Variants in DNAJC10 observed in about 807,000 individuals in gnomAD.
DNAJC10 encodes endoplasmic reticulum disulfide reductase DNAJC10.
A neutral mutation model predicts 115.0 loss-of-function variants in DNAJC10; 101 were observed. The ratio of observed to expected loss-of-function variants is 0.88; its 90% CI spans 0.75 to 1.04. The LOEUF (loss-of-function observed/expected upper bound fraction) is 1.04, where lower values mean the gene tolerates loss of function less well. Among genes scored for constraint, DNAJC10 ranks in the 50% least tolerant of loss-of-function variants. The pLI is 0.00. For missense variants in DNAJC10, 981 were observed against 928.8 expected (o/e 1.06, Z -0.73); for synonymous variants, 307 against 301.5 (o/e 1.02, Z -0.19).
chr2:182,732,544 T>TA lies in DNAJC10; in HGVS notation c.849+4dup, dbSNP rs1220009627. 1.2e-6 allele frequency: 2 copies of TA among 1,612,994 alleles called. No homozygotes were observed. The highest frequency in any genetic ancestry group is 1.7e-6 in the Non-Finnish European group (2 of 1,179,268). The stretch of plus-strand genomic sequence containing the variant: ...CGACTCAGGCTTAGTGGCATGTTGG[T>TA]AAGCATCAATCATTTTGTAAAACTA... On this transcript the variant is annotated splice_region_variant and intron_variant, in intron 10 of 23. Coordinates refer to ENST00000264065, the MANE Select transcript of DNAJC10 (RefSeq NM_018981.4).
Position 182,779,225 on chromosome 2 carries a change from A to C in DNAJC10, c.*2093A>C, listed in dbSNP as rs1250755228. ...TACATCAAGGTTATCTTATATAGTCATAACAGTATTATTGGGTCTTTCAAA... is the reference window on the plus strand; with the variant it reads ...TACATCAAGGTTATCTTATATAGTCCTAACAGTATTATTGGGTCTTTCAAA... On this transcript the variant is annotated 3_prime_UTR_variant, in exon 24 of 24. Coordinates refer to ENST00000264065, the MANE Select transcript of DNAJC10 (RefSeq NM_018981.4). The C allele has an allele frequency of 6.6e-6, 1 of 152,256 alleles. No homozygotes were observed. The allele number at this position is 152,256 out of a possible 1,614,324, so 9.4% of individuals were successfully genotyped here.
At chr2:182,756,051 A>C (rs1694147765) in intron 17 of DNAJC10, among the ~76,000 whole-genome samples, 2 of 152,192 alleles carry the variant, frequency 1.3e-5, no homozygotes, top group Non-Finnish European at 2.9e-5. Context: ...GGTTTCTCAA[A>C]AATGGGAACT....
intron 22 of DNAJC10, among the ~76,000 whole-genome samples, chr2:182,764,634 C>T (rs1009470123): frequency 2.6e-5 from 4 of 152,044 alleles, no homozygotes; most frequent in African/African-American, 9.7e-5. Context: ...ATTGATTCTG[C>T]TCTATGTTAG....
In DNAJC10 at chr2:182,788,514, T is replaced by C. The variant is rs971850787; in HGVS notation, c.*11382T>C. On this transcript the variant is annotated 3_prime_UTR_variant, in exon 24 of 24. Coordinates refer to ENST00000264065, the MANE Select transcript of DNAJC10 (RefSeq NM_018981.4). ...GGAGAAAATGGGAGTAAAAACAAAA[T>C]GTATAAAAAGTATTAAAATTTGAAA... The C allele has an allele frequency of 5.0e-6, 1 of 200,252 alleles. No individual in the cohort carries two copies. The highest frequency in any genetic ancestry group is 1.0e-5 in the Non-Finnish European group (1 of 97,996). 12.4% of individuals were successfully genotyped at this position (200,252 alleles called of 1,614,324 possible).
intron 11 of DNAJC10, among the ~76,000 whole-genome samples, chr2:182,738,442 T>G (rs1693640782): frequency 6.6e-6 from 1 of 152,174 alleles, no homozygotes; most frequent in Non-Finnish European, 1.5e-5. Flanking sequence ...GGTCAAAGGC[T>G]GTCTGAGACA....
At position 182,779,696 on chromosome 2, in the gene DNAJC10, GTAAAA is replaced by G. The variant is rs1694799187; in HGVS notation, c.*2566_*2570del. 1 of 152,124 alleles carries G rather than the reference GTAAAA, an allele frequency of 6.6e-6. No individual in the cohort carries two copies. Among genetic ancestry groups the G allele is most frequent in the Non-Finnish European group, 1.5e-5 (1 of 68,018 alleles). 9.4% of individuals were successfully genotyped at this position (152,124 alleles called of 1,614,324 possible). ...GGTATATGATTAAGATAAAGGAAAAGTAAAATGAAATGTTTATGTAATTTTATATT... is the reference window on the plus strand; with the variant it reads ...GGTATATGATTAAGATAAAGGAAAAGTGAAATGTTTATGTAATTTTATATT... On this transcript the variant is annotated 3_prime_UTR_variant, in exon 24 of 24. Coordinates refer to ENST00000264065, the MANE Select transcript of DNAJC10 (RefSeq NM_018981.4).
chr2:182,743,562 A>C (rs369248147), intron 13 of DNAJC10, 36 bp from the exon 14 acceptor site: 25 of 1,412,994 alleles, frequency 1.8e-5, no homozygotes, highest in Non-Finnish European at 2.5e-5. Context: ...TGGGTAAGAC[A>C]GTGTTTTTAT....
chr2:182,767,093 A>G (rs1694432247), intron 22 of DNAJC10, among the ~76,000 whole-genome samples: 1 of 152,102 alleles, frequency 6.6e-6, no homozygotes, highest in Admixed American at 6.6e-5. Context: ...TATTCCCCAT[A>G]GAAGGGAATG....
chr2:182,760,620 G>T (rs1041678841), intron 21 of DNAJC10, among the ~76,000 whole-genome samples: 5 of 152,030 alleles, frequency 3.3e-5, no homozygotes, highest in Non-Finnish European at 5.9e-5. Flanking sequence ...GTTTCTTTCT[G>T]TCGTAACAGT....
chr2:182,765,807 G>T (rs770746182), intron 22 of DNAJC10, among the ~76,000 whole-genome samples: 1 of 152,196 alleles, frequency 6.6e-6, no homozygotes, highest in African/African-American at 2.4e-5. Flanking sequence ...CTAGTTTTGT[G>T]TTGTATGTGC....
At chr2:182,729,175 G>A (rs1693372242) in intron 7 of DNAJC10, 181 bp downstream of exon 7, 2 of 575,178 alleles carry the variant, frequency 3.5e-6, no homozygotes, top group East Asian at 3.4e-5. Flanking sequence ...TTGAGATGGA[G>A]TCTCACTCTG....
chr2:182,757,933 G>A (rs976813456), intron 19 of DNAJC10, 108 bp downstream of exon 19: 11 of 633,014 alleles, frequency 1.7e-5, no homozygotes, highest in Non-Finnish European at 2.5e-5. Flanking sequence ...ATATTTATTG[G>A]GAGCCCACTA....
rs1447955274 is a variant in DNAJC10 at position 182,784,543 on chromosome 2, CTG to C, written c.*7415_*7416del. 6.6e-6 allele frequency: 1 copy of C among 152,022 alleles called. No individual in the cohort carries two copies. Among genetic ancestry groups the C allele is most frequent in the Non-Finnish European group, 1.5e-5 (1 of 68,012 alleles). The allele number at this position is 152,022 out of a possible 1,614,324, so 9.4% of individuals were successfully genotyped here. A position where few individuals can be genotyped will look rare whatever the true frequency, so the allele number is the denominator to read the frequency against. ...ACAGCCAGAAGTATTATACTGTTGA[CTG>C]TGTTTAAAACTAATTTGCCAGAGCT... is the stretch of plus-strand genomic sequence containing the variant. On this transcript the variant is annotated 3_prime_UTR_variant, in exon 24 of 24. Transcript: ENST00000264065.
chr2:182,719,250 C>CTTTTTTTTTTTT (rs57284693), intron 3 of DNAJC10, among the ~76,000 whole-genome samples: 2 of 83,686 alleles, frequency 2.4e-5, no homozygotes, highest in African/African-American at 9.4e-5. Context: ...GGATTGTTTT[C>CTTTTTTTTTTTT]TTTTTTTTTT....
chr2:182,726,860 T>G (rs1693297691), intron 5 of DNAJC10, among the ~76,000 whole-genome samples: 1 of 151,902 alleles, frequency 6.6e-6, no homozygotes, highest in Non-Finnish European at 1.5e-5. Flanking sequence ...GTCTCCCGAC[T>G]AGCTGAGACT....
rs1694987043 is a variant in DNAJC10 at position 182,788,297 on chromosome 2, G to C, written c.*11165G>C. 5.9e-6 allele frequency: 1 copy of C among 170,430 alleles called. No individual in the cohort carries two copies. 10.6% of individuals were successfully genotyped at this position (170,430 alleles called of 1,614,324 possible). On this transcript the variant is annotated 3_prime_UTR_variant, in exon 24 of 24. Coordinates refer to ENST00000264065, the MANE Select transcript of DNAJC10 (RefSeq NM_018981.4). ...TACCAGCCTCTACAAAGCTGTCGGG[G>C]CCAGGCGAATAAAGGATGTCCCATG...
At chr2:182,720,434 A>G (rs748956644) in intron 4 of DNAJC10, among the ~76,000 whole-genome samples, 4 of 152,212 alleles carry the variant, frequency 2.6e-5, no homozygotes, top group Non-Finnish European at 4.4e-5. Context: ...CATGGACTGC[A>G]TAATGACATT....
At chr2:182,731,153 A>C (rs776026135) in intron 9 of DNAJC10, 46 bp downstream of exon 9, 22 of 1,446,828 alleles carry the variant, frequency 1.5e-5, no homozygotes, top group Non-Finnish European at 2.0e-5. Context: ...ATGACATTTA[A>C]ATTTTTGGTG....
intron 14 of DNAJC10, among the ~76,000 whole-genome samples, chr2:182,745,702 T>C (rs919388617): frequency 6.6e-6 from 1 of 152,042 alleles, no homozygotes; most frequent in African/African-American, 2.4e-5. Context: ...ATTTTTTTTT[T>C]TTATGGACAA....
Sources: allele counts gnomAD v4.1 joint callset (sites outside exome capture counted in the v4.1 genomes callset), GRCh38; gene constraint gnomAD v4.1.1; transcripts MANE v1.5; gene names NCBI Gene and HGNC (gene_info 2026-07-23, HGNC 2026-07-21).